HYKK: variants seen among roughly 807,000 people sequenced by gnomAD.
The protein encoded by HYKK is 5-hydroxy-L-lysine kinase.
In HYKK, 19 loss-of-function variants were observed where a neutral mutation model predicts 29.7. That is an observed-to-expected ratio of 0.64 (90% CI 0.45 to 0.94). The LOEUF is 0.94. Ranked by LOEUF, HYKK falls within the 40% of genes least tolerant of loss-of-function variation. The pLI, the probability that HYKK is intolerant of heterozygous loss-of-function variation, is 0.00. For synonymous variants in HYKK, 152 were observed against 158.1 expected (o/e 0.96, Z 0.29); for missense variants, 390 against 443.4 (o/e 0.88, Z 1.08).
At chr15:78,537,251 G>T, downstream of HYKK, 1 of 556,328 alleles carries the variant, frequency 1.8e-6, no homozygotes, top group Non-Finnish European at 3.4e-6. Context: ...TTCTCTGGAA[G>T]ACCCTAATAT....
chr15:78,517,849 A>G (rs988568011), intron 3 of HYKK, among the ~76,000 whole-genome samples: 7 of 151,826 alleles, frequency 4.6e-5, no homozygotes, highest in South Asian at 2.1e-4. Flanking sequence ...AGGAACAGGC[A>G]CTCTTCCTGG....
rs2052330111 is a variant in HYKK, at chr15:78,533,350, A to G, written c.802A>G (p.Ile268Val). The G allele has an allele frequency of 1.9e-6, 3 of 1,614,192 alleles. No homozygotes were observed. The highest frequency in any genetic ancestry group is 2.7e-5 in the African/African-American group (2 of 75,066). The part of the protein sequence containing the change: ...SYGYYVFEVA[I>V]TIMYMMIESK... ...TGGCTACTATGTGTTTGAAGTGGCAATTACCATCATGTACATGATGATTGA... is the reference window on the plus strand; with the variant it reads ...TGGCTACTATGTGTTTGAAGTGGCAGTTACCATCATGTACATGATGATTGA... The change falls in exon 5 of 5, where the codon ATT becomes GTT. Residue 268 changes from isoleucine to valine, a missense_variant. By Grantham distance (29) the Ile-to-Val change is conservative. Transcript: ENST00000388988.
At position 78,514,992 on chromosome 15, in the gene HYKK, A is replaced by G. The variant is rs1317540948; in HGVS notation, c.362A>G (p.Tyr121Cys). The G allele has an allele frequency of 1.7e-5, 27 of 1,580,162 alleles. No individual in the cohort carries two copies. Among genetic ancestry groups the G allele is most frequent in the East Asian group, 2.3e-5 (1 of 42,736 alleles). The change falls in exon 3 of 5, where the codon TAC becomes TGC. Residue 121 changes from tyrosine to cysteine, a missense_variant. Transcript: ENST00000388988. ...GATAGTGGCTCTGAAATCAAAAGCT[A>G]CTTGGTGAGGCTGCTGACTTACCTC... is the stretch of plus-strand genomic sequence containing the variant. ...SVDSGSEIKS[Y>C]LVRLLTYLPG...
chr15:78,533,165 T>C (rs1442922542), intron 4 of HYKK, 45 bp from the exon 5 acceptor site: 2 of 1,205,750 alleles, frequency 1.7e-6, no homozygotes, highest in Non-Finnish European at 1.2e-6. Context: ...GGGGAATGAA[T>C]TGGGATATTC....
chr15:78,537,314 C>T, downstream of HYKK: 3 of 663,390 alleles, frequency 4.5e-6, no homozygotes, highest in Middle Eastern at 2.4e-4. Flanking sequence ...TAGCACCGTG[C>T]CAGGCCCCTA....
intron 4 of HYKK, among the ~76,000 whole-genome samples, chr15:78,531,094 C>G (rs945766292): frequency 6.6e-6 from 1 of 152,014 alleles, no homozygotes; most frequent in Non-Finnish European, 1.5e-5. Flanking sequence ...AACTCCTGGC[C>G]TCAAGTGATC....
At chr15:78,529,045 T>A (rs1480657072) in intron 4 of HYKK, among the ~76,000 whole-genome samples, 1 of 152,204 alleles carries the variant, frequency 6.6e-6, no homozygotes, top group African/African-American at 2.4e-5. Context: ...CACTTTGTGC[T>A]TTCTCTCATG....
At chr15:78,519,805 T>C (rs959530724) in intron 3 of HYKK, among the ~76,000 whole-genome samples, 5 of 152,210 alleles carry the variant, frequency 3.3e-5, no homozygotes, top group East Asian at 1.9e-4. Flanking sequence ...CTGATTGTAG[T>C]GCTCAATAAA....
chr15:78,520,714 C>T (rs1473608220), intron 3 of HYKK, among the ~76,000 whole-genome samples: 1 of 152,208 alleles, frequency 6.6e-6, no homozygotes, highest in Non-Finnish European at 1.5e-5. Flanking sequence ...TCCACAAAAC[C>T]GCCATTGTCA....
Position 78,536,314 on chromosome 15 carries a change from C to CAA in HYKK, c.*2645_*2646insAA, listed in dbSNP as rs1194751281. On this transcript the variant is annotated 3_prime_UTR_variant, in exon 5 of 5. Transcript: ENST00000388988. ...TGTCCCTGCTACACACACACACACA[C>CAA]ACACACACACACACACATGCACACT... The CAA allele has an allele frequency of 6.6e-6, 1 of 152,100 alleles. No individual in the cohort carries two copies. Among genetic ancestry groups the CAA allele is most frequent in the African/African-American group, 2.4e-5 (1 of 41,356 alleles). 9.4% of individuals were successfully genotyped at this position (152,100 alleles called of 1,614,324 possible). A position where few individuals can be genotyped will look rare whatever the true frequency, so the allele number is the denominator to read the frequency against.
intron 4 of HYKK, among the ~76,000 whole-genome samples, chr15:78,529,837 A>G (rs2052292635): frequency 7.0e-6 from 1 of 143,222 alleles, no homozygotes; most frequent in Non-Finnish European, 1.6e-5. Flanking sequence ...GTTTGGATGC[A>G]TAATTCTAAA....
intron 4 of HYKK, among the ~76,000 whole-genome samples, chr15:78,530,200 ATTTTT>A (rs60803012): frequency 0.59 from 79,503 of 135,170 alleles, 22,384 homozygotes; most frequent in Middle Eastern, 0.74. Context: ...TTATTTATTT[ATTTTT>A]TTTTTTTTTT....
Position 78,525,096 on chromosome 15 carries a change from C to A in HYKK, c.478-2284C>A, listed in dbSNP as rs1305944810. Among the ~76,000 whole-genome samples the A allele has an allele frequency of 2.0e-5, 3 of 152,112 alleles. No homozygotes were observed. In the East Asian group the frequency reaches 5.8e-4, roughly 29 times the overall value. On this transcript the variant is annotated intron_variant, in intron 3 of 4. Coordinates refer to ENST00000388988, the MANE Select transcript of HYKK (RefSeq NM_001013619.4). ...GAATTATCAGGGGAAGGTTCTCAAA[C>A]TCCCGGTCATAATAGTGAGTACTGA...
In HYKK at chr15:78,529,872, C is replaced by G. The variant is rs1256829610; in HGVS notation, c.661+2309C>G. 2.0e-5 allele frequency among the ~76,000 whole-genome samples: 3 copies of G among 151,964 alleles called. No homozygotes were observed. In the East Asian group the frequency reaches 5.8e-4, roughly 29 times the overall value. ...ATTTTTTTTTTGAGGCAGTCTTGCT[C>G]TGTCACCCAGGCTGGAGTGCAGTGG... is the stretch of plus-strand genomic sequence containing the variant. On this transcript the variant is annotated intron_variant, in intron 4 of 4. Coordinates refer to ENST00000388988, the MANE Select transcript of HYKK (RefSeq NM_001013619.4).
At position 78,535,261 on chromosome 15, in the gene HYKK, T is replaced by TTCATC. The variant is rs201357808; in HGVS notation, c.*1595_*1596insCTCAT. 481 of 137,270 alleles carry TTCATC rather than the reference T, an allele frequency of 3.5e-3. 4 individuals are homozygous for TTCATC. Among genetic ancestry groups the TTCATC allele is most frequent in the East Asian group, 0.027 (130 of 4,850 alleles). 8.5% of individuals were successfully genotyped at this position (137,270 alleles called of 1,614,324 possible). ...TCACTTCTTTGTCCCTCAATTTCAT[T>TTCATC]TCATTTCTTTTTCTTTTCTTTTCTT... On this transcript the variant is annotated 3_prime_UTR_variant, in exon 5 of 5. Coordinates refer to ENST00000388988, the MANE Select transcript of HYKK (RefSeq NM_001013619.4).
chr15:78,516,757 C>T (rs529413177), intron 3 of HYKK, among the ~76,000 whole-genome samples: 3 of 151,356 alleles, frequency 2.0e-5, no homozygotes, highest in African/African-American at 4.9e-5. Flanking sequence ...TGGTGACTCA[C>T]GCCTATAATT....
At chr15:78,527,310 C>A in intron 3 of HYKK, 70 bp from the exon 4 acceptor site, 6 of 1,205,068 alleles carry the variant, frequency 5.0e-6, no homozygotes, top group South Asian at 2.9e-5. Flanking sequence ...AAAAAATGTG[C>A]AGCACCTCCC....
At position 78,535,268 on chromosome 15, in the gene HYKK, C is replaced by CA. The variant is rs56292317; in HGVS notation, c.*1598_*1599insA. 1,749 of 130,872 alleles carry CA rather than the reference C, an allele frequency of 0.013. 38 individuals carry two copies. The highest frequency in any genetic ancestry group is 0.019 in the Non-Finnish European group (1,187 of 61,288). 8.1% of individuals were successfully genotyped at this position (130,872 alleles called of 1,614,324 possible). A position where few individuals can be genotyped will look rare whatever the true frequency, so the allele number is the denominator to read the frequency against. ...TTTGTCCCTCAATTTCATTTCATTT[C>CA]TTTTTCTTTTCTTTTCTTTTCTTTT... On this transcript the variant is annotated 3_prime_UTR_variant, in exon 5 of 5. Coordinates refer to ENST00000388988, the MANE Select transcript of HYKK (RefSeq NM_001013619.4).
intron 4 of HYKK, chr15:78,528,629 CCT>C (rs1422033435): frequency 3.8e-6 from 2 of 524,688 alleles, no homozygotes; most frequent in Non-Finnish European, 4.9e-6. Flanking sequence ...GTGGTGAAAC[CCT>C]GTTTCTAATA....
Sources: gnomAD v4.1 joint callset for allele counts (sites outside exome capture counted in the v4.1 genomes callset) on GRCh38, gnomAD v4.1.1 for gene constraint, MANE v1.5 for transcripts, NCBI Gene and HGNC (gene_info 2026-07-23, HGNC 2026-07-21) for gene names.